AP3S2: variants seen among roughly 807,000 people sequenced by gnomAD.
The protein encoded by AP3S2 is AP-3 complex subunit sigma-2.
In AP3S2, 22 loss-of-function variants were observed where a neutral mutation model predicts 23.4. That is an observed-to-expected ratio of 0.94 (90% CI 0.67 to 1.34). The LOEUF is 1.34. Among genes scored for constraint, AP3S2 ranks in the 40% most tolerant of loss-of-function variants. AP3S2 has a pLI of 0.00. For missense variants in AP3S2, 241 were observed against 236.9 expected (o/e 1.02, Z -0.11); for synonymous variants, 86 against 87.1 (o/e 0.99, Z 0.07).
intron 1 of AP3S2, among the ~76,000 whole-genome samples, chr15:89,890,670 T>G (rs1276493917): frequency 2.0e-5 from 3 of 152,198 alleles, no homozygotes; most frequent in Non-Finnish European, 4.4e-5. Context: ...GACCACACTT[T>G]GAGTAACGAA....
intron 4 of AP3S2, among the ~76,000 whole-genome samples, chr15:89,858,273 AC>A (rs924646650): frequency 2.0e-5 from 3 of 151,794 alleles, no homozygotes; most frequent in Admixed American, 6.6e-5. Flanking sequence ...CTCCGTCTCT[AC>A]TAAAAAAAAA....
intron 4 of AP3S2, among the ~76,000 whole-genome samples, chr15:89,859,803 A>G (rs4932149): frequency 0.75 from 106,275 of 142,578 alleles, 39,403 homozygotes; most frequent in East Asian, 0.81. Flanking sequence ...TCGCTCTGTC[A>G]CCCAGGCTGG....
Position 89,859,170 on chromosome 15 carries a change from CCTTCCTTCCTTT to C in AP3S2, c.345+12293_345+12304del, listed in dbSNP as rs557600132. Among the ~76,000 whole-genome samples, 177 of 150,998 alleles carry C rather than the reference CCTTCCTTCCTTT, an allele frequency of 1.2e-3. 3 individuals carry two copies. The East Asian group carries it at 0.03, about 25-fold the overall frequency. On this transcript the variant is annotated intron_variant, in intron 4 of 5. Transcript: ENST00000336418. ...CTCCACAACCAGCCCAAGTGTCCTT[CCTTCCTTCCTTT>C]CTTCCTTCCTTCCCTCTCTCCTTGC... is the stretch of plus-strand genomic sequence containing the variant.
chr15:89,876,874 CA>C (rs1896455014), intron 3 of AP3S2: 1 of 172,024 alleles, frequency 5.8e-6, no homozygotes, highest in African/African-American at 2.4e-5. Flanking sequence ...TCAGGAATGC[CA>C]GTAACTCAGA....
chr15:89,841,025 T>C (rs1364802048), intron 4 of AP3S2, among the ~76,000 whole-genome samples: 1 of 152,196 alleles, frequency 6.6e-6, no homozygotes, highest in Non-Finnish European at 1.5e-5. Context: ...GCATGCTAAA[T>C]GAATGAAAGG....
Position 89,831,151 on chromosome 15 carries a change from T to TGGAAAG in AP3S2, c.*4363_*4364insCTTTCC, listed in dbSNP as rs1895068943. On this transcript the variant is annotated 3_prime_UTR_variant, in exon 6 of 6. Coordinates refer to ENST00000336418, the MANE Select transcript of AP3S2 (RefSeq NM_005829.5). ...TTTTAAGTCTTTTGGAAAGAATTAA[T>TGGAAAG]CATTTTCATGGAACTGCTTCCCTAT... The TGGAAAG allele has an allele frequency of 6.6e-6, 1 of 152,218 alleles. No homozygotes were observed. The highest frequency in any genetic ancestry group is 1.5e-5 in the Non-Finnish European group (1 of 68,034). The allele number at this position is 152,218 out of a possible 1,614,324, so 9.4% of individuals were successfully genotyped here.
intron 4 of AP3S2, among the ~76,000 whole-genome samples, chr15:89,841,648 C>T (rs1000230424): frequency 2.6e-5 from 4 of 152,130 alleles, no homozygotes; most frequent in East Asian, 1.9e-4. Flanking sequence ...TGCTAAGAGA[C>T]GCCTTGCCTA....
chr15:89,889,679 CA>C (rs547002275), intron 1 of AP3S2, among the ~76,000 whole-genome samples: 2 of 147,914 alleles, frequency 1.4e-5, no homozygotes, highest in Admixed American at 6.7e-5. Flanking sequence ...ACTAAAAATA[CA>C]AAAAAAAACA....
chr15:89,877,200 T>C, intron 3 of AP3S2: 2 of 613,690 alleles, frequency 3.3e-6, no homozygotes, highest in Non-Finnish European at 2.8e-6. Context: ...GAAATTTAGA[T>C]GCTCAGTATG....
At chr15:89,862,307 C>G (rs190800973) in intron 4 of AP3S2, among the ~76,000 whole-genome samples, 4 of 152,164 alleles carry the variant, frequency 2.6e-5, no homozygotes, top group African/African-American at 7.2e-5. Context: ...TAAATATGAA[C>G]TATATATTGG....
chr15:89,889,026 G>T (rs777457193), intron 2 of AP3S2, 23 bp downstream of exon 2: 2 of 1,613,938 alleles, frequency 1.2e-6, no homozygotes, highest in East Asian at 2.2e-5. Context: ...TATATGGGGA[G>T]AAAAATGAAG....
chr15:89,862,817 C>T (rs1012261375), intron 4 of AP3S2, among the ~76,000 whole-genome samples: 4 of 152,078 alleles, frequency 2.6e-5, no homozygotes, highest in African/African-American at 9.7e-5. Flanking sequence ...GTTGGAAATA[C>T]AGGAATAGGA....
intron 4 of AP3S2, among the ~76,000 whole-genome samples, chr15:89,858,709 G>T (rs746987840): frequency 1.3e-5 from 2 of 152,176 alleles, no homozygotes; most frequent in Non-Finnish European, 2.9e-5. Flanking sequence ...CGTTTTATCT[G>T]CAACATATCC....
intron 4 of AP3S2, among the ~76,000 whole-genome samples, chr15:89,863,026 G>C (rs953597598): frequency 7.9e-5 from 12 of 152,246 alleles, no homozygotes; most frequent in African/African-American, 2.9e-4. Flanking sequence ...CTTCCTGATA[G>C]AGTGGGAAAA....
At chr15:89,838,483 C>T (rs902925277) in intron 4 of AP3S2, among the ~76,000 whole-genome samples, 8 of 152,156 alleles carry the variant, frequency 5.3e-5, no homozygotes, top group African/African-American at 1.2e-4. Flanking sequence ...TGTGATGGGA[C>T]GGAGGTGACT....
Position 89,834,300 on chromosome 15 carries a change from CCTT to C in AP3S2, c.*1212_*1214del, listed in dbSNP as rs1895140588. ...TCATCATTCACAACACAGCAACAAA[CCTT>C]CTGCTCTCATGAGGAGAATGTATTT... On this transcript the variant is annotated 3_prime_UTR_variant, in exon 6 of 6. Transcript: ENST00000336418. The C allele has an allele frequency of 6.6e-6, 1 of 152,278 alleles. No homozygotes were observed. The allele number at this position is 152,278 out of a possible 1,614,324, so 9.4% of individuals were successfully genotyped here.
chr15:89,842,818 G>A (rs1281466994), intron 4 of AP3S2, among the ~76,000 whole-genome samples: 1 of 152,012 alleles, frequency 6.6e-6, no homozygotes, highest in East Asian at 1.9e-4. Context: ...TTACCATGTT[G>A]GCCAGGATGG....
intron 4 of AP3S2, among the ~76,000 whole-genome samples, chr15:89,860,739 T>TG (rs1438806106): frequency 1.3e-5 from 2 of 152,100 alleles, no homozygotes; most frequent in African/African-American, 4.8e-5. Context: ...AAAAAAATTC[T>TG]GCCACAAAAT....
intron 4 of AP3S2, among the ~76,000 whole-genome samples, chr15:89,846,088 G>A (rs1023332231): frequency 6.6e-6 from 1 of 152,128 alleles, no homozygotes; most frequent in Non-Finnish European, 1.5e-5. Context: ...AAAATGCTTC[G>A]GGTGATAAAT....
Sources: gnomAD v4.1 joint callset for allele counts (sites outside exome capture counted in the v4.1 genomes callset) on GRCh38, gnomAD v4.1.1 for gene constraint, MANE v1.5 for transcripts, NCBI Gene and HGNC (gene_info 2026-07-23, HGNC 2026-07-21) for gene names.